UNC5B: variants seen among roughly 807,000 people sequenced by gnomAD.
UNC5B encodes the protein netrin receptor UNC5B.
In UNC5B, 56 loss-of-function variants were observed where a neutral mutation model predicts 103.7. The observed-to-expected ratio is 0.54, with a 90% CI of 0.44 to 0.67. UNC5B has a LOEUF of 0.67. Ranked by LOEUF, UNC5B falls within the 30% of genes least tolerant of loss-of-function variation. The pLI, the probability that UNC5B is intolerant of heterozygous loss-of-function variation, is 0.00. For synonymous variants in UNC5B, 577 were observed against 542.0 expected, an observed-to-expected ratio of 1.06 and a Z score of -0.90; for missense variants, 1,194 against 1,284.5, an observed-to-expected ratio of 0.93 and a Z score of 1.08.
At chr10:71,285,490 C>A in intron 4 of UNC5B, 61 bp downstream of exon 4, 1 of 1,422,674 alleles carries the variant, frequency 7.0e-7, no homozygotes, top group Non-Finnish European at 9.4e-7. Context: ...AGAAGCCAGG[C>A]AGGCATGGTA....
chr10:71,253,273 T>C (rs1372457155), intron 1 of UNC5B, among the ~76,000 whole-genome samples: 1 of 152,180 alleles, frequency 6.6e-6, no homozygotes, highest in African/African-American at 2.4e-5. Flanking sequence ...CACCACCTCC[T>C]TTCCCCGTAG....
At chr10:71,226,044 A>G (rs186300583) in intron 1 of UNC5B, among the ~76,000 whole-genome samples, 303 of 152,280 alleles carry the variant, frequency 2.0e-3, no homozygotes, top group African/African-American at 7.1e-3. Flanking sequence ...AAATCTTATC[A>G]GATCATAAGC....
intron 15 of UNC5B, among the ~76,000 whole-genome samples, chr10:71,297,632 G>A (rs1336523683): frequency 6.6e-6 from 1 of 152,252 alleles, no homozygotes; most frequent in African/African-American, 2.4e-5. Flanking sequence ...CTGTGGCTGG[G>A]CCTCCTTGGG....
chr10:71,241,720 C>G (rs550655411), intron 1 of UNC5B, among the ~76,000 whole-genome samples: 5 of 152,152 alleles, frequency 3.3e-5, no homozygotes, highest in African/African-American at 1.2e-4. Flanking sequence ...GCTGTCGGAA[C>G]TGGAAAGAGC....
intron 14 of UNC5B, among the ~76,000 whole-genome samples, 161 bp from the exon 15 acceptor site, chr10:71,296,417 C>A (rs557863756): frequency 4.2e-4 from 64 of 152,274 alleles, no homozygotes; most frequent in African/African-American, 1.5e-3. Context: ...GAGGGCCTGA[C>A]ACCAACTCAG....
intron 5 of UNC5B, 50 bp from the exon 6 acceptor site, chr10:71,287,548 G>T: frequency 6.5e-7 from 1 of 1,544,442 alleles, no homozygotes; most frequent in South Asian, 1.2e-5. Context: ...TTGGGGGAGG[G>T]CAGAGGGTTC....
chr10:71,252,415 G>A (rs1289851056), intron 1 of UNC5B, among the ~76,000 whole-genome samples: 1 of 152,178 alleles, frequency 6.6e-6, no homozygotes, highest in Non-Finnish European at 1.5e-5. Flanking sequence ...CCACCTCACT[G>A]CCTGCTTCTG....
intron 1 of UNC5B, among the ~76,000 whole-genome samples, chr10:71,253,993 G>A (rs528321360): frequency 2.3e-4 from 35 of 152,170 alleles, no homozygotes; most frequent in African/African-American, 7.5e-4. Context: ...GTCCACGCTC[G>A]CCAACCAGCA....
rs746252061 is a variant in UNC5B, at chr10:71,286,848, A to G, written c.712A>G (p.Thr238Ala). 31 of 1,613,972 alleles carry G rather than the reference A, an allele frequency of 1.9e-5. No homozygotes were observed. In the East Asian group the frequency reaches 2.7e-4, roughly 14 times the overall value. ...KNIVAKRRST[T>A]ATVIVYVNGG... ...CATCGTGGCCAAACGCCGGAGCACC[A>G]CTGCCACCGTCATCGTCTACGGTGC... Residue 238 changes from threonine (T) to alanine (A), a missense_variant, in exon 5 of 17, where the codon ACT becomes GCT. Thr to Ala is a moderately conservative substitution (Grantham distance 58). Coordinates refer to ENST00000335350, the MANE Select transcript of UNC5B (RefSeq NM_170744.5).
intron 11 of UNC5B, among the ~76,000 whole-genome samples, chr10:71,292,879 C>G (rs1385965854): frequency 1.3e-5 from 2 of 152,224 alleles, no homozygotes; most frequent in African/African-American, 4.8e-5. Flanking sequence ...CACACTGTCT[C>G]ACACAAACAC....
rs142270773 is a variant in UNC5B, at chr10:71,293,463, G to A, written c.1831G>A (p.Gly611Ser). The A allele has an allele frequency of 3.6e-5, 58 of 1,614,004 alleles. No individual in the cohort carries two copies. Among genetic ancestry groups the A allele is most frequent in the Middle Eastern group, 1.6e-4 (1 of 6,084 alleles). ...LSPSVTCGPT[G>S]LLLCRPVILT... ...CCCCTCGGTGACCTGTGGACCCACA[G>A]GCCTCCTGCTGTGCCGCCCCGTCAT... Residue 611 changes from glycine to serine, a missense_variant, in exon 12 of 17, where the codon GGC (glycine) becomes AGC (serine). Transcript: ENST00000335350.
At position 71,295,856 on chromosome 10, in the gene UNC5B, G is replaced by A; in HGVS notation, c.2221G>A (p.Glu741Lys). The A allele has an allele frequency of 1.2e-6, 2 of 1,613,018 alleles. No homozygotes were observed. The highest frequency in any genetic ancestry group is 1.7e-6 in the Non-Finnish European group (2 of 1,179,966). The stretch of plus-strand genomic sequence containing the variant: ...GACTCTGGGCGGATACTTGGTGGAG[G>A]AGCCGAAACCGCTAATGTTCAAGGA... ...ERTLGGYLVE[E>K]PKPLMFKDSY... The change falls in exon 14 of 17, where the codon GAG (glutamate) becomes AAG (lysine). Residue 741 changes from glutamate to lysine, a missense_variant. By Grantham distance (56) the Glu-to-Lys change is moderately conservative (BLOSUM62 1). Coordinates refer to ENST00000335350, the MANE Select transcript of UNC5B (RefSeq NM_170744.5).
chr10:71,236,916 G>A (rs1185480495), intron 1 of UNC5B, among the ~76,000 whole-genome samples: 1 of 152,250 alleles, frequency 6.6e-6, no homozygotes, highest in African/African-American at 2.4e-5. Context: ...TTAGGAATGA[G>A]AGAAGATGCA....
At chr10:71,243,590 A>G (rs1013208282) in intron 1 of UNC5B, among the ~76,000 whole-genome samples, 5 of 152,310 alleles carry the variant, frequency 3.3e-5, no homozygotes, top group African/African-American at 1.2e-4. Context: ...AGTGCCCAAC[A>G]CCAAGGTTCT....
intron 8 of UNC5B, 42 bp downstream of exon 8, chr10:71,289,032 C>T: frequency 6.2e-7 from 1 of 1,614,036 alleles, no homozygotes; most frequent in East Asian, 2.2e-5. Flanking sequence ...TCTGGGGGAT[C>T]CCTGGTTCTC....
intron 4 of UNC5B, among the ~76,000 whole-genome samples, chr10:71,285,733 C>T (rs1845060025): frequency 6.6e-6 from 1 of 152,228 alleles, no homozygotes. Flanking sequence ...CTGCCCCACC[C>T]AGAACCCAAG....
chr10:71,262,404 G>T (rs368758315), intron 1 of UNC5B, among the ~76,000 whole-genome samples: 16 of 151,880 alleles, frequency 1.1e-4, no homozygotes, highest in African/African-American at 3.1e-4. Context: ...CCAGGATTGT[G>T]GGGGGGCTGT....
At chr10:71,291,213 T>TG in intron 9 of UNC5B, 104 bp downstream of exon 9, 2 of 1,436,640 alleles carry the variant, frequency 1.4e-6, no homozygotes, top group Non-Finnish European at 1.9e-6. Context: ...TCCCAGGGTT[T>TG]TTCCAGAGTT....
intron 13 of UNC5B, 151 bp from the exon 14 acceptor site, chr10:71,295,660 A>T (rs1845388052): frequency 1.2e-6 from 1 of 852,300 alleles, no homozygotes. Context: ...TCATCTATTC[A>T]TCTTCTCACA....
Sources: allele counts gnomAD v4.1 joint callset (sites outside exome capture counted in the v4.1 genomes callset), GRCh38; gene constraint gnomAD v4.1.1; transcripts MANE v1.5; gene names NCBI Gene and HGNC (gene_info 2026-07-23, HGNC 2026-07-21).